CSMD1: variants seen among roughly 807,000 people sequenced by gnomAD.
The protein encoded by CSMD1 is CUB and sushi domain-containing protein 1.
A neutral mutation model predicts 417.5 loss-of-function variants in CSMD1; 213 were observed. The ratio of observed to expected loss-of-function variants is 0.51; its 90% confidence interval spans 0.46 to 0.57. The LOEUF is 0.57. Ranked by LOEUF, CSMD1 falls within the 20% of genes least tolerant of loss-of-function variation. CSMD1 has a pLI of 0.00. For missense variants in CSMD1, 6,923 were observed against 4,529.7 expected (o/e 1.53, Z -15.17); for synonymous variants, 2,862 against 1,736.8 (o/e 1.65, Z -16.11).
intron 27 of CSMD1, among the ~76,000 whole-genome samples, chr8:3,224,291 C>T (rs1037694998): frequency 6.6e-6 from 1 of 152,206 alleles, no homozygotes; most frequent in South Asian, 2.1e-4. Context: ...TGCTATTTCT[C>T]ACAGTTTATA....
intron 7 of CSMD1, among the ~76,000 whole-genome samples, chr8:3,705,210 G>T (rs1801097622): frequency 6.6e-6 from 1 of 152,176 alleles, no homozygotes; most frequent in Non-Finnish European, 1.5e-5. Flanking sequence ...TGCACTGAAG[G>T]CAACAAGGGG....
intron 57 of CSMD1, among the ~76,000 whole-genome samples, chr8:2,971,111 A>G (rs1804418937): frequency 6.6e-6 from 1 of 152,238 alleles, no homozygotes; most frequent in African/African-American, 2.4e-5. Context: ...TTACATAACC[A>G]TAATACAATT....
chr8:3,707,366 G>A (rs561091015), intron 7 of CSMD1, among the ~76,000 whole-genome samples: 100 of 152,220 alleles, frequency 6.6e-4, no homozygotes, highest in African/African-American at 2.3e-3. Context: ...GCTAGGCAAC[G>A]GAAAAACAAT....
chr8:3,281,616 T>C (rs1359620224), intron 26 of CSMD1, among the ~76,000 whole-genome samples: 1 of 151,950 alleles, frequency 6.6e-6, no homozygotes, highest in Non-Finnish European at 1.5e-5. Context: ...ACTCTGTGAC[T>C]TTCAGGAAAA....
intron 1 of CSMD1, among the ~76,000 whole-genome samples, chr8:4,727,822 TG>T (rs1436573253): frequency 6.6e-6 from 1 of 150,658 alleles, no homozygotes; most frequent in Non-Finnish European, 1.5e-5. Flanking sequence ...TGTATATGTT[TG>T]GGATATATAT....
rs916363677 is a variant in CSMD1 at position 3,681,993 on chromosome 8, G to C, written c.1009+26421C>G. Among the ~76,000 whole-genome samples the C allele has an allele frequency of 5.3e-4, 81 of 152,298 alleles. 1 individual carries two copies. The highest frequency in any genetic ancestry group is 1.8e-3 in the African/African-American group (75 of 41,566). On this transcript the variant is annotated intron_variant, in intron 7 of 69. Coordinates refer to ENST00000635120, the MANE Select transcript of CSMD1 (RefSeq NM_033225.6). ...TGGGAAAACTGGCTAGCCATATGTAGAAAGGTGAAACTGGATCCCTTCCTT... is the reference window on the plus strand; with the variant it reads ...TGGGAAAACTGGCTAGCCATATGTACAAAGGTGAAACTGGATCCCTTCCTT...
intron 7 of CSMD1, among the ~76,000 whole-genome samples, chr8:3,645,703 T>G (rs967158265): frequency 1.3e-5 from 2 of 152,180 alleles, no homozygotes; most frequent in Non-Finnish European, 2.9e-5. Flanking sequence ...AGAACTTTAC[T>G]TGGCTCTGCA....
intron 30 of CSMD1, among the ~76,000 whole-genome samples, chr8:3,207,084 A>G (rs1797335986): frequency 6.6e-6 from 1 of 151,648 alleles, no homozygotes; most frequent in Non-Finnish European, 1.5e-5. Context: ...TCAGTATTTC[A>G]GAAAGATTAT....
intron 3 of CSMD1, among the ~76,000 whole-genome samples, chr8:4,218,261 C>G (rs755078494): frequency 6.6e-6 from 1 of 152,072 alleles, no homozygotes; most frequent in Non-Finnish European, 1.5e-5. Context: ...ATCTGAATTG[C>G]GTGTGACAAT....
chr8:4,720,487 G>A (rs1423874592), intron 1 of CSMD1, among the ~76,000 whole-genome samples: 2 of 151,952 alleles, frequency 1.3e-5, no homozygotes, highest in African/African-American at 2.4e-5. Context: ...GCATGATCTC[G>A]GCGCACTATA....
intron 3 of CSMD1, among the ~76,000 whole-genome samples, chr8:4,384,543 T>C (rs892626307): frequency 6.6e-6 from 1 of 152,206 alleles, no homozygotes; most frequent in Non-Finnish European, 1.5e-5. Context: ...CTTTATGAAG[T>C]CCTACCCCTG....
chr8:3,191,955 C>G (rs1796451137), intron 33 of CSMD1, among the ~76,000 whole-genome samples: 1 of 152,102 alleles, frequency 6.6e-6, no homozygotes, highest in Admixed American at 6.6e-5. Flanking sequence ...TTAAAATAAC[C>G]CTTCTATCTT....
At chr8:4,798,025 T>C (rs763451891) in intron 1 of CSMD1, among the ~76,000 whole-genome samples, 4 of 152,232 alleles carry the variant, frequency 2.6e-5, no homozygotes, top group Admixed American at 6.5e-5. Context: ...TTTATTTTTT[T>C]ATTATACTTT....
chr8:2,962,493 A>T lies in CSMD1; in HGVS notation c.9601T>A (p.Trp3201Arg). 1.9e-6 allele frequency: 3 copies of T among 1,613,934 alleles called. No individual in the cohort carries two copies. Among genetic ancestry groups the T allele is most frequent in the African/African-American group, 1.3e-5 (1 of 75,072 alleles). The change falls in exon 61 of 70, where the codon TGG (tryptophan) becomes AGG (arginine). Residue 3201 changes from tryptophan (W) to arginine (R), a missense_variant. Transcript: ENST00000635120. ...ATGCAGGTGGGTTGTATGCCGCTCC[A>T]CGTGCCGTCAGCTTGGCAGACTCTT... The part of the protein sequence containing the change: ...SRRVCQADGT[W>R]SGIQPTCIDP...
intron 3 of CSMD1, among the ~76,000 whole-genome samples, chr8:4,081,703 A>G (rs551334275): frequency 1.1e-4 from 17 of 152,318 alleles, no homozygotes; most frequent in African/African-American, 4.1e-4. Context: ...TTTAAATTCT[A>G]AAAAGTATTT....
intron 5 of CSMD1, among the ~76,000 whole-genome samples, chr8:3,973,832 T>A (rs567645099): frequency 2.4e-4 from 37 of 152,274 alleles, no homozygotes; most frequent in African/African-American, 8.4e-4. Context: ...GTTTAATATG[T>A]AGTTGCTGTT....
At chr8:3,549,654 T>C (rs1424327589) in intron 10 of CSMD1, among the ~76,000 whole-genome samples, 1 of 152,118 alleles carries the variant, frequency 6.6e-6, no homozygotes, top group African/African-American at 2.4e-5. Flanking sequence ...ATGGGAGAAA[T>C]CTAGGAGAAA....
chr8:3,622,089 C>T (rs551123451), intron 7 of CSMD1, among the ~76,000 whole-genome samples: 1 of 152,078 alleles, frequency 6.6e-6, no homozygotes, highest in African/African-American at 2.4e-5. Context: ...TTTTCACAGT[C>T]TGCACTATGT....
chr8:4,239,362 G>C (rs573427657), intron 3 of CSMD1, among the ~76,000 whole-genome samples: 1 of 152,182 alleles, frequency 6.6e-6, no homozygotes, highest in South Asian at 2.1e-4. Context: ...AACTGCCAAT[G>C]AAGCTGTTTT....
Sources: gnomAD v4.1 joint callset for allele counts (sites outside exome capture counted in the v4.1 genomes callset) on GRCh38, gnomAD v4.1.1 for gene constraint, MANE v1.5 for transcripts, NCBI Gene and HGNC (gene_info 2026-07-23, HGNC 2026-07-21) for gene names.